The following ZFAT variants were observed in gnomAD, a reference collection of about 807,000 sequenced individuals.
ZFAT encodes the protein zinc finger and AT-hook domain containing.
A neutral mutation model predicts 117.7 loss-of-function variants in ZFAT; 64 were observed. The observed-to-expected ratio is 0.54, with a 90% confidence interval of 0.44 to 0.67. ZFAT has a LOEUF of 0.67. Ranked by LOEUF, ZFAT falls within the 30% of genes least tolerant of loss-of-function variation. The probability of loss-of-function intolerance (pLI) is 0.00; values close to 1 mark genes in which losing one functional copy is unlikely to be tolerated. For synonymous variants in ZFAT, 679 were observed against 615.0 expected (o/e 1.10, Z -1.54); for missense variants, 1,433 against 1,584.5 (o/e 0.90, Z 1.62).
At chr8:134,732,567 G>A in the ZFAT span, among the ~76,000 whole-genome samples, 2 of 152,184 alleles carry the variant, frequency 1.3e-5, no homozygotes, top group Non-Finnish European at 2.9e-5. Context: ...AAAGAGAAAG[G>A]TACCTACTCA....
intron 1 of ZFAT, among the ~76,000 whole-genome samples, chr8:134,696,112 C>T (rs1288751086): frequency 6.6e-6 from 1 of 151,244 alleles, no homozygotes; most frequent in African/African-American, 2.4e-5. Flanking sequence ...CATTTCTAAC[C>T]AAACAGGCAC....
chr8:134,659,187 C>T (rs1831805733), intron 1 of ZFAT, among the ~76,000 whole-genome samples: 1 of 152,214 alleles, frequency 6.6e-6, no homozygotes, highest in African/African-American at 2.4e-5. Flanking sequence ...GTATCTCATC[C>T]TCCTCGCTCC....
chr8:134,690,078 A>G (rs552500320), intron 1 of ZFAT, among the ~76,000 whole-genome samples: 12 of 152,320 alleles, frequency 7.9e-5, no homozygotes, highest in Admixed American at 4.6e-4. Context: ...CCAGTGTGTT[A>G]TTTTTCACCT....
chr8:134,719,034 C>T, the ZFAT span, among the ~76,000 whole-genome samples: 1 of 152,164 alleles, frequency 6.6e-6, no homozygotes, highest in Non-Finnish European at 1.5e-5. Context: ...CGCTTGTGAA[C>T]ACGGTTGTAC....
At chr8:134,812,994 A>G in the ZFAT span, among the ~76,000 whole-genome samples, 35 of 152,316 alleles carry the variant, frequency 2.3e-4, no homozygotes, top group African/African-American at 8.2e-4. Flanking sequence ...CCTGTGCTGT[A>G]CTGTCTGTGC....
At chr8:134,547,220 G>A (rs1822767397) in intron 11 of ZFAT, among the ~76,000 whole-genome samples, 1 of 152,152 alleles carries the variant, frequency 6.6e-6, no homozygotes, top group Admixed American at 6.5e-5. Flanking sequence ...CGGTCTCCTT[G>A]GCCGCTGGAG....
intron 10 of ZFAT, among the ~76,000 whole-genome samples, chr8:134,579,705 C>G (rs556910013): frequency 4.5e-4 from 68 of 152,160 alleles, no homozygotes; most frequent in Non-Finnish European, 8.2e-4. Context: ...AACCCCAGCA[C>G]TTTGGGAGGC....
chr8:134,510,352 A>G (rs919210873), intron 14 of ZFAT, among the ~76,000 whole-genome samples: 1 of 152,174 alleles, frequency 6.6e-6, no homozygotes, highest in African/African-American at 2.4e-5. Context: ...GGCCATCTGC[A>G]ACCGTCCTGA....
intron 1 of ZFAT, among the ~76,000 whole-genome samples, chr8:134,706,346 G>C (rs1307187092): frequency 6.6e-6 from 1 of 152,172 alleles, no homozygotes; most frequent in South Asian, 2.1e-4. Context: ...AGACACAAAA[G>C]AATTATATGA....
intron 1 of ZFAT, among the ~76,000 whole-genome samples, chr8:134,658,337 C>CAAAAA (rs34770848): frequency 2.5e-5 from 3 of 117,964 alleles, no homozygotes; most frequent in African/African-American, 3.5e-5. Context: ...ATTCTGTCTC[C>CAAAAA]AAAAAAAAAA....
chr8:134,689,349 C>T (rs1294795232), intron 1 of ZFAT, among the ~76,000 whole-genome samples: 3 of 152,224 alleles, frequency 2.0e-5, no homozygotes, highest in Non-Finnish European at 4.4e-5. Context: ...TCCACAGGAG[C>T]GGTAACACTG....
chr8:134,590,967 A>G (rs896212189), intron 7 of ZFAT, among the ~76,000 whole-genome samples: 1 of 152,092 alleles, frequency 6.6e-6, no homozygotes, highest in Non-Finnish European at 1.5e-5. Flanking sequence ...GGGGAGCTCG[A>G]GAGTAGGGGA....
At chr8:134,512,372 G>C in intron 14 of ZFAT, 103 bp downstream of exon 14, 2 of 1,500,622 alleles carry the variant, frequency 1.3e-6, no homozygotes, top group Non-Finnish European at 1.8e-6. Context: ...CAGGGATTCG[G>C]AAGTAGATCA....
At chr8:134,603,578 C>G (rs1400123689) in intron 5 of ZFAT, among the ~76,000 whole-genome samples, 1 of 152,224 alleles carries the variant, frequency 6.6e-6, no homozygotes, top group Non-Finnish European at 1.5e-5. Flanking sequence ...TAGGGAATGA[C>G]CCCTGGCCTT....
upstream of ZFAT, among the ~76,000 whole-genome samples, chr8:134,717,368 T>G (rs73352025): frequency 0.016 from 2,412 of 146,892 alleles, 78 homozygotes; most frequent in African/African-American, 0.058. Context: ...GGGAAGGAGA[T>G]CATCTTTCTC....
upstream of ZFAT, among the ~76,000 whole-genome samples, chr8:134,714,676 G>A (rs1814179587): frequency 6.6e-6 from 1 of 152,208 alleles, no homozygotes; most frequent in South Asian, 2.1e-4. Context: ...GGAAGGTTAA[G>A]TTGGGCAATA....
At chr8:134,544,479 TAA>T (rs985738448) in intron 11 of ZFAT, among the ~76,000 whole-genome samples, 1 of 151,790 alleles carries the variant, frequency 6.6e-6, no homozygotes, top group Non-Finnish European at 1.5e-5. Flanking sequence ...TTAAGAACTT[TAA>T]GAGACATCAT....
At chr8:134,611,925 C>G (rs1056300841) in intron 3 of ZFAT, among the ~76,000 whole-genome samples, 1 of 151,938 alleles carries the variant, frequency 6.6e-6, no homozygotes, top group African/African-American at 2.4e-5. Flanking sequence ...ACAGCTAATT[C>G]CACATGGCTA....
the ZFAT span, among the ~76,000 whole-genome samples, chr8:134,805,782 A>G: frequency 6.6e-6 from 1 of 152,178 alleles, no homozygotes; most frequent in East Asian, 1.9e-4. Context: ...GGAGTTCAAG[A>G]CCAGCCTTGG....
Sources: gnomAD v4.1 joint callset for allele counts (sites outside exome capture counted in the v4.1 genomes callset) on GRCh38, gnomAD v4.1.1 for gene constraint, MANE v1.5 for transcripts, NCBI Gene and HGNC (gene_info 2026-07-23, HGNC 2026-07-21) for gene names.